EBF1: variants seen among roughly 807,000 people sequenced by gnomAD.
EBF1 encodes transcription factor COE1.
EBF1 carries 10 observed loss-of-function variants against 68.4 expected under a neutral mutation model. The ratio of observed to expected loss-of-function variants is 0.15; its 90% confidence interval spans 0.09 to 0.25. The LOEUF is 0.25. Ranked by LOEUF, EBF1 falls within the 10% of genes least tolerant of loss-of-function variation. EBF1 has a pLI of 1.00. For missense variants in EBF1, 509 were observed against 794.4 expected, an observed-to-expected ratio of 0.64 and a Z score of 4.32; for synonymous variants, 298 against 299.8, an observed-to-expected ratio of 0.99 and a Z score of 0.06.
chr5:158,886,020 A>G (rs1050045088), intron 6 of EBF1, among the ~76,000 whole-genome samples: 1 of 152,204 alleles, frequency 6.6e-6, no homozygotes, highest in Non-Finnish European at 1.5e-5. Context: ...GGAGGAAAGG[A>G]GCCTGGCCTT....
chr5:158,918,237 T>G (rs1807637902), intron 6 of EBF1, among the ~76,000 whole-genome samples: 1 of 152,222 alleles, frequency 6.6e-6, no homozygotes, highest in African/African-American at 2.4e-5. Context: ...TTTGCAACCT[T>G]GCTTATGGTG....
rs73818929 is a variant in EBF1 at position 159,075,074 on chromosome 5, G to A, written c.486-1610C>T. ...AATAGTATAGTGGTTAAGAACACTG[G>A]TTCTGAAATCTGACAGAGCTGCCTA... On this transcript the variant is annotated intron_variant, in intron 5 of 15. Transcript: ENST00000313708. Among the ~76,000 whole-genome samples the A allele has an allele frequency of 1.7e-3, 260 of 152,286 alleles. 2 individuals carry two copies. The highest frequency in any genetic ancestry group is 6.1e-3 in the African/African-American group (255 of 41,562).
intron 6 of EBF1, among the ~76,000 whole-genome samples, chr5:158,861,120 TTGTCCCCTG>T (rs1323021845): frequency 6.9e-6 from 1 of 144,498 alleles, no homozygotes; most frequent in Admixed American, 6.9e-5. Context: ...TTCTGGTCAC[TTGTCCCCTG>T]TGTCCCCTGG....
chr5:158,842,463 G>C (rs970902713), intron 6 of EBF1, among the ~76,000 whole-genome samples: 1 of 152,240 alleles, frequency 6.6e-6, no homozygotes. Context: ...GACAACAAGA[G>C]TGGGTGTGAT....
intron 6 of EBF1, among the ~76,000 whole-genome samples, chr5:158,848,477 C>T (rs1293995188): frequency 6.6e-6 from 1 of 152,124 alleles, no homozygotes; most frequent in Non-Finnish European, 1.5e-5. Flanking sequence ...TTTGTGATCC[C>T]TCAAATGCAT....
At chr5:158,851,486 GGAGGA>G (rs1184561253) in intron 6 of EBF1, among the ~76,000 whole-genome samples, 1 of 96,262 alleles carries the variant, frequency 1.0e-5, no homozygotes, top group African/African-American at 4.2e-5. Context: ...GAAGGGAAGG[GGAGGA>G]AAGAAGAGGG....
chr5:158,886,840 A>G (rs1231426443), intron 6 of EBF1, among the ~76,000 whole-genome samples: 1 of 152,132 alleles, frequency 6.6e-6, no homozygotes, highest in African/African-American at 2.4e-5. Flanking sequence ...GGTCTCTACT[A>G]CAAATACAAA....
chr5:159,036,525 G>T (rs1411793786), intron 6 of EBF1, among the ~76,000 whole-genome samples: 1 of 133,812 alleles, frequency 7.5e-6, no homozygotes, highest in Admixed American at 7.7e-5. Flanking sequence ...TCTGATCTTT[G>T]ACAAACCTGA....
At chr5:159,057,768 C>T (rs528872557) in intron 6 of EBF1, among the ~76,000 whole-genome samples, 67 of 152,292 alleles carry the variant, frequency 4.4e-4, no homozygotes, top group Non-Finnish European at 7.6e-4. Flanking sequence ...TAAATGGAAT[C>T]GTGGTCTCTT....
intron 6 of EBF1, among the ~76,000 whole-genome samples, chr5:158,870,786 G>A (rs150242433): frequency 3.3e-4 from 51 of 152,286 alleles, no homozygotes; most frequent in Middle Eastern, 3.4e-3. Context: ...CTAATGCCCT[G>A]GCTCTTTGTA....
intron 6 of EBF1, among the ~76,000 whole-genome samples, chr5:158,936,149 T>C (rs901985516): frequency 2.8e-4 from 42 of 152,196 alleles, no homozygotes; most frequent in African/African-American, 9.9e-4. Flanking sequence ...CATTTTTGCT[T>C]TTTTGCCAAG....
intron 6 of EBF1, among the ~76,000 whole-genome samples, chr5:159,060,130 T>C (rs1775522218): frequency 6.6e-6 from 1 of 152,170 alleles, no homozygotes; most frequent in African/African-American, 2.4e-5. Context: ...AAGTACTTAG[T>C]AAACAAACAA....
intron 1 of EBF1, among the ~76,000 whole-genome samples, chr5:159,098,544 T>G (rs1783063343): frequency 2.9e-5 from 4 of 138,684 alleles, no homozygotes; most frequent in African/African-American, 5.5e-5. Context: ...GCCAGAGAGG[T>G]AAGGAAAGGA....
chr5:159,083,726 G>T (rs1561976247), intron 5 of EBF1, among the ~76,000 whole-genome samples: 1 of 152,214 alleles, frequency 6.6e-6, no homozygotes, highest in Non-Finnish European at 1.5e-5. Flanking sequence ...AAACGGATTG[G>T]TCAGTAATAG....
At chr5:158,938,278 T>C (rs1812507385) in intron 6 of EBF1, among the ~76,000 whole-genome samples, 1 of 152,254 alleles carries the variant, frequency 6.6e-6, no homozygotes, top group Non-Finnish European at 1.5e-5. Context: ...ATTTCTGACA[T>C]GAACCCTAGT....
At chr5:158,777,268 G>T in intron 10 of EBF1, 145 bp downstream of exon 10, 2 of 917,224 alleles carry the variant, frequency 2.2e-6, no homozygotes, top group Non-Finnish European at 3.0e-6. Flanking sequence ...CACCATGTTT[G>T]GTCATACATA....
chr5:159,055,100 T>C (rs186409552), intron 6 of EBF1, among the ~76,000 whole-genome samples: 2 of 152,352 alleles, frequency 1.3e-5, no homozygotes, highest in East Asian at 3.9e-4. Flanking sequence ...GGCTGATCCC[T>C]TGGATGAGGT....
At chr5:158,876,158 A>T (rs1191225084) in intron 6 of EBF1, among the ~76,000 whole-genome samples, 1 of 152,202 alleles carries the variant, frequency 6.6e-6, no homozygotes, top group East Asian at 1.9e-4. Context: ...AATATAAAAT[A>T]TAATAATATT....
At chr5:158,766,885 C>G (rs1772800226) in intron 10 of EBF1, among the ~76,000 whole-genome samples, 1 of 152,074 alleles carries the variant, frequency 6.6e-6, no homozygotes, top group African/African-American at 2.4e-5. Flanking sequence ...TTTGAATACC[C>G]TTGAATACTT....
Sources: allele counts gnomAD v4.1 joint callset (sites outside exome capture counted in the v4.1 genomes callset), GRCh38; gene constraint gnomAD v4.1.1; transcripts MANE v1.5; gene names NCBI Gene and HGNC (gene_info 2026-07-23, HGNC 2026-07-21).